Variants in PWWP3A observed in about 807,000 individuals in gnomAD.
PWWP3A encodes the protein PWWP domain containing 3A, DNA repair factor.
In PWWP3A, 53 loss-of-function variants were observed where a neutral mutation model predicts 79.0. The ratio of observed to expected loss-of-function variants is 0.67; its 90% CI spans 0.54 to 0.84. The LOEUF (loss-of-function observed/expected upper bound fraction) is 0.84. Ranked by LOEUF, PWWP3A falls within the 40% of genes least tolerant of loss-of-function variation. The pLI, the probability that PWWP3A is intolerant of heterozygous loss-of-function variation, is 0.00. For synonymous variants in PWWP3A, 443 were observed against 394.4 expected (o/e 1.12, Z -1.46); for missense variants, 973 against 948.0 (o/e 1.03, Z -0.35).
In PWWP3A at chr19:1,376,291, G is replaced by GTTTTTTTTTTTTTTT. The variant is rs1350699607; in HGVS notation, c.2076-225_2076-224insTTTTTTTTTTTTTTT. Among the ~76,000 whole-genome samples the GTTTTTTTTTTTTTTT allele has an allele frequency of 7.5e-4, 38 of 50,854 alleles. 2 individuals are homozygous for GTTTTTTTTTTTTTTT. Among genetic ancestry groups the GTTTTTTTTTTTTTTT allele is most frequent in the Non-Finnish European group, 9.1e-4 (21 of 23,192 alleles). The allele number at this position is 50,854 out of a possible 152,430, so 33.4% of individuals were successfully genotyped here. The stretch of plus-strand genomic sequence containing the variant: ...CAGACATGCGCCACCACGCCCGGCT[G>GTTTTTTTTTTTTTTT]TTTGTTTTTTTTTTTGTTTGTTTTT... On this transcript the variant is annotated intron_variant, in intron 13 of 13. Coordinates refer to ENST00000591337, the MANE Select transcript of PWWP3A (RefSeq NM_001369789.1).
intron 13 of PWWP3A, among the ~76,000 whole-genome samples, chr19:1,376,311 G>C (rs8110079): frequency 1.4e-5 from 1 of 69,886 alleles, no homozygotes; most frequent in Non-Finnish European, 2.5e-5. Context: ...TTTTTTGTTT[G>C]TTTTTTTTTT....
intron 5 of PWWP3A, 46 bp from the exon 6 acceptor site, chr19:1,362,204 A>G: frequency 6.6e-7 from 1 of 1,525,020 alleles, no homozygotes; most frequent in Non-Finnish European, 9.0e-7. Context: ...ATGAGTCATC[A>G]AGACAATGCA....
At chr19:1,358,643 C>G (rs1005727413) in intron 4 of PWWP3A, 179 bp downstream of exon 4, 8 of 1,535,680 alleles carry the variant, frequency 5.2e-6, no homozygotes, top group Non-Finnish European at 7.0e-6. Flanking sequence ...CTTTCTTAAA[C>G]CTTTCCAGAA....
intron 2 of PWWP3A, among the ~76,000 whole-genome samples, chr19:1,356,656 T>TA (rs11396582): frequency 0.43 from 61,324 of 141,498 alleles, 13,186 homozygotes; most frequent in Middle Eastern, 0.57. Flanking sequence ...TTTTTCACAC[T>TA]AAAAAAAAAA....
At chr19:1,362,920 G>A (rs76517550) in intron 6 of PWWP3A, among the ~76,000 whole-genome samples, 4,563 of 152,326 alleles carry the variant, frequency 0.03, 212 homozygotes, top group African/African-American at 0.1. Flanking sequence ...ACAGAAAGTC[G>A]GCTTCGCAAA....
At chr19:1,358,787 C>G in intron 4 of PWWP3A, 1 of 786,594 alleles carries the variant, frequency 1.3e-6, no homozygotes, top group Non-Finnish European at 2.0e-6. Flanking sequence ...GGAGGTCCTC[C>G]TTTTTCCTTT....
rs549567101 is a variant in PWWP3A, at chr19:1,360,258, G to A, written c.337G>A (p.Gly113Ser). The change falls in exon 5 of 14, where the codon GGT becomes AGT. Residue 113 changes from glycine to serine, a missense_variant. By Grantham distance (56) the Gly-to-Ser change is moderately conservative (BLOSUM62 0). Coordinates refer to ENST00000591337, the MANE Select transcript of PWWP3A (RefSeq NM_001369789.1). The surrounding 1 kb of genome is among the most constrained non-coding windows in gnomAD (Gnocchi z 4.4). Reference sequence around the variant, plus strand: ...GAGTCAAGAAAGCTCTGCAGGGACAGGTAGAGCTGACCGGTCTCTGCGAGG... The same window carrying A: ...GAGTCAAGAAAGCTCTGCAGGGACAAGTAGAGCTGACCGGTCTCTGCGAGG... ...IWSQESSAGT[G>S]RADRSLRGKP... is the part of the protein sequence containing the mutation. The A allele has an allele frequency of 5.0e-5, 81 of 1,614,134 alleles. No homozygotes were observed. In the South Asian group the frequency reaches 8.3e-4, roughly 17 times the overall value.
chr19:1,360,954 C>A lies in PWWP3A; in HGVS notation c.1033C>A (p.Leu345Met). ...ESVTPRSTARLGPPPSHASAD... is the reference protein window; with the variant it reads ...ESVTPRSTARMGPPPSHASAD... ...TGTGACCCCGCGCAGCACCGCCAGG[C>A]TGGGCCCGCCTCCCTCCCACGCCTC... is the stretch of plus-strand genomic sequence containing the variant. The change falls in exon 5 of 14, where the codon CTG (leucine) becomes ATG (methionine). Residue 345 changes from leucine (L) to methionine (M), a missense_variant. Transcript: ENST00000591337. The surrounding 1 kb of genome is among the most constrained non-coding windows in gnomAD (Gnocchi z 4.4). 6.8e-7 allele frequency: 1 copy of A among 1,480,708 alleles called. No homozygotes were observed. The highest frequency in any genetic ancestry group is 9.0e-7 in the Non-Finnish European group (1 of 1,116,088). The allele number at this position is 1,480,708 out of a possible 1,614,324, so 91.7% of individuals were successfully genotyped here. A position where few individuals can be genotyped will look rare whatever the true frequency, so the allele number is the denominator to read the frequency against.
chr19:1,366,419 G>T (rs781302902), intron 8 of PWWP3A, 38 bp downstream of exon 8: 2 of 1,586,460 alleles, frequency 1.3e-6, no homozygotes, highest in Non-Finnish European at 1.7e-6. Context: ...ATGGGCCTGA[G>T]GGGCCAGGCC....
At chr19:1,362,206 G>A in intron 5 of PWWP3A, 44 bp from the exon 6 acceptor site, 1 of 1,532,764 alleles carries the variant, frequency 6.5e-7, no homozygotes. Flanking sequence ...GAGTCATCAA[G>A]ACAATGCAAT....
intron 3 of PWWP3A, 88 bp downstream of exon 3, chr19:1,357,182 C>A: frequency 1.0e-6 from 1 of 963,488 alleles, no homozygotes; most frequent in South Asian, 1.6e-5. Flanking sequence ...AGTTGAAGCC[C>A]AGCCCACTCT....
chr19:1,356,444 G>A lies in PWWP3A; in HGVS notation c.52G>A (p.Ala18Thr). Residue 18 changes from alanine to threonine, a missense_variant, in exon 2 of 14, where the codon GCG becomes ACG. Coordinates refer to ENST00000591337, the MANE Select transcript of PWWP3A (RefSeq NM_001369789.1). ...LCRWEKRLWP[A>T]KVLARTATST... ...CCGATGGGAAAAGCGATTATGGCCT[G>A]CGAAGGTGACAGCCATTATTCTGTA... is the stretch of plus-strand genomic sequence containing the variant. 1 of 1,614,024 alleles carries A rather than the reference G, an allele frequency of 6.2e-7. No individual in the cohort carries two copies. The highest frequency in any genetic ancestry group is 8.5e-7 in the Non-Finnish European group (1 of 1,179,962).
chr19:1,372,751 T>C (rs1827312143), intron 12 of PWWP3A: 2 of 258,056 alleles, frequency 7.8e-6, no homozygotes, highest in East Asian at 8.8e-5. Context: ...GGCGAGACTC[T>C]GTACCAGAAA....
At chr19:1,355,890 C>T (rs2081850299) in intron 1 of PWWP3A, among the ~76,000 whole-genome samples, 1 of 151,910 alleles carries the variant, frequency 6.6e-6, no homozygotes, top group African/African-American at 2.4e-5. Context: ...CTTTCAGGGA[C>T]ATGGCAGCCA....
chr19:1,360,577 G>A lies in PWWP3A; in HGVS notation c.656G>A (p.Gly219Glu). The change falls in exon 5 of 14, where the codon GGA (glycine) becomes GAA (glutamate). Residue 219 changes from glycine (G) to glutamate (E), a missense_variant. Gly to Glu is a moderately conservative substitution (Grantham distance 98, BLOSUM62 -2). Transcript: ENST00000591337. The surrounding 1 kb of genome is among the most constrained non-coding windows in gnomAD (Gnocchi z 4.4). Reference protein sequence around the residue: ...KNWTLASKRGGNSAQKASLCL... With the variant: ...KNWTLASKRGENSAQKASLCL... ...TGGACTCTTGCAAGTAAGAGGGGAG[G>A]AAACTCAGCGCAGAAGGCTAGCTTG... 3 of 1,614,220 alleles carry A rather than the reference G, an allele frequency of 1.9e-6. No homozygotes were observed. The highest frequency in any genetic ancestry group is 2.5e-6 in the Non-Finnish European group (3 of 1,180,034).
intron 12 of PWWP3A, 132 bp downstream of exon 12, chr19:1,371,210 C>A (rs749222697): frequency 2.0e-6 from 2 of 1,015,084 alleles, no homozygotes; most frequent in Non-Finnish European, 3.0e-6. Flanking sequence ...AGCGTGGAGG[C>A]CTCCTGTGTT....
rs753585743 is a variant in PWWP3A, at chr19:1,366,287, T to C, written c.1285-18T>C. Reference sequence around the variant, plus strand: ...TCTCTTTTGTTTTGACGTTTTATTTTCTTGGATTTGTGAACAGGTCAAAAG... The same window carrying C: ...TCTCTTTTGTTTTGACGTTTTATTTCCTTGGATTTGTGAACAGGTCAAAAG... On this transcript the variant is annotated intron_variant, in intron 7 of 13. Transcript: ENST00000591337. The C allele has an allele frequency of 1.9e-6, 3 of 1,612,844 alleles. No homozygotes were observed. The highest frequency in any genetic ancestry group is 2.5e-6 in the Non-Finnish European group (3 of 1,178,842).
chr19:1,356,933 T>G, intron 2 of PWWP3A, 76 bp from the exon 3 acceptor site: 1 of 1,166,622 alleles, frequency 8.6e-7, no homozygotes, highest in Non-Finnish European at 1.3e-6. Flanking sequence ...ACCTGCTGCA[T>G]TTGTGCTAAA....
Position 1,373,627 on chromosome 19 carries a change from G to A in PWWP3A, c.2075+467G>A, listed in dbSNP as rs187105032. The A allele has an allele frequency of 4.9e-3, 788 of 160,370 alleles. 6 individuals carry two copies. The highest frequency in any genetic ancestry group is 0.018 in the African/African-American group (756 of 41,684). The allele number at this position is 160,370 out of a possible 1,614,324, so 9.9% of individuals were successfully genotyped here. A position where few individuals can be genotyped will look rare whatever the true frequency, so the allele number is the denominator to read the frequency against. The stretch of plus-strand genomic sequence containing the variant: ...CCCTTGGATGTTTGGCCCCCAGAGC[G>A]CCTAATCCTGTCTCTGGGCATGCGG... On this transcript the variant is annotated intron_variant, in intron 13 of 13. Transcript: ENST00000591337.
Sources: gnomAD v4.1 joint callset for allele counts (sites outside exome capture counted in the v4.1 genomes callset) on GRCh38, gnomAD v4.1.1 for gene constraint, Gnocchi (gnomAD v3.1) non-coding constraint, MANE v1.5 for transcripts, NCBI Gene and HGNC (gene_info 2026-07-23, HGNC 2026-07-21) for gene names.